NDUFA10: variants seen among roughly 807,000 people sequenced by gnomAD.
NDUFA10 encodes NADH dehydrogenase [ubiquinone] 1 alpha subcomplex subunit 10, mitochondrial.
In NDUFA10, 40 loss-of-function variants were observed where a neutral mutation model predicts 47.8. The observed-to-expected ratio is 0.84, with a 90% CI of 0.65 to 1.09. The LOEUF is 1.09. NDUFA10 is among the 50% of genes least tolerant of loss of function. NDUFA10 has a pLI of 0.00. For missense variants in NDUFA10, 413 were observed against 451.1 expected, an observed-to-expected ratio of 0.92 and a Z score of 0.76; for synonymous variants, 183 against 172.2, an observed-to-expected ratio of 1.06 and a Z score of -0.49.
chr2:239,975,458 T>A (rs1695481373), intron 9 of NDUFA10, among the ~76,000 whole-genome samples: 1 of 152,260 alleles, frequency 6.6e-6, no homozygotes, highest in African/African-American at 2.4e-5. Context: ...GGAAGCAGCA[T>A]GGCCGCCCGG....
In NDUFA10 at chr2:240,021,219, G is replaced by T; in HGVS notation, c.438C>A (p.Ala146=). The part of the protein sequence containing the change: ...YSSRLLQYSD[A]LEHLLTTGQG... The stretch of plus-strand genomic sequence containing the variant: ...CACCTGTGGTCAGCAAGTGCTCCAA[G>T]GCATCTGAGTACTGCAGCAGGCGAC... Residue 146 remains alanine (A), a synonymous_variant, in exon 3 of 10, where the codon GCC becomes GCA. Coordinates refer to ENST00000252711, the MANE Select transcript of NDUFA10 (RefSeq NM_004544.4). 6.2e-7 allele frequency: 1 copy of T among 1,614,138 alleles called. No homozygotes were observed. Among genetic ancestry groups the T allele is most frequent in the African/African-American group, 1.3e-5 (1 of 75,052 alleles).
intron 4 of NDUFA10, among the ~76,000 whole-genome samples, chr2:239,947,367 G>A (rs895214740): frequency 6.6e-6 from 1 of 152,218 alleles, no homozygotes; most frequent in Non-Finnish European, 1.5e-5. Flanking sequence ...AGAGGAAAAT[G>A]GCTCAGTGAC....
intron 9 of NDUFA10, among the ~76,000 whole-genome samples, chr2:239,980,584 A>T (rs1297772437): frequency 6.6e-6 from 1 of 152,236 alleles, no homozygotes; most frequent in African/African-American, 2.4e-5. Context: ...ACCAGCACCA[A>T]AACAGGGTTT....
chr2:240,019,490 G>T (rs970787699), intron 3 of NDUFA10, among the ~76,000 whole-genome samples: 2 of 152,274 alleles, frequency 1.3e-5, no homozygotes, highest in South Asian at 4.1e-4. Flanking sequence ...TTTAAGAAAT[G>T]AGTAGTCAGA....
At chr2:240,000,902 T>C (rs1224942080) in intron 8 of NDUFA10, among the ~76,000 whole-genome samples, 3 of 152,238 alleles carry the variant, frequency 2.0e-5, no homozygotes, top group Non-Finnish European at 4.4e-5. Flanking sequence ...ACACACACTA[T>C]GATGTTTTCA....
chr2:239,926,626 A>G (rs961492602), intron 4 of NDUFA10, among the ~76,000 whole-genome samples: 3 of 149,626 alleles, frequency 2.0e-5, no homozygotes, highest in Non-Finnish European at 4.5e-5. Context: ...AAAAAAAAAT[A>G]GATACCTGTA....
chr2:239,915,407 C>CAA (rs1693845049), intron 4 of NDUFA10, among the ~76,000 whole-genome samples: 2 of 51,616 alleles, frequency 3.9e-5, no homozygotes, highest in East Asian at 4.4e-4. Flanking sequence ...ACACACAGAA[C>CAA]ACACACATAC....
chr2:240,020,052 C>A (rs1239969942), intron 3 of NDUFA10, among the ~76,000 whole-genome samples: 1 of 152,204 alleles, frequency 6.6e-6, no homozygotes, highest in Non-Finnish European at 1.5e-5. Flanking sequence ...CAAAGCAAGA[C>A]AATAACTCCA....
At chr2:239,910,308 A>G (rs536843785) in intron 4 of NDUFA10, among the ~76,000 whole-genome samples, 2 of 152,356 alleles carry the variant, frequency 1.3e-5, no homozygotes, top group South Asian at 4.1e-4. Flanking sequence ...AAAACATGGA[A>G]TCAACCTAAA....
chr2:240,018,511 T>C, intron 4 of NDUFA10, 42 bp downstream of exon 4: 1 of 1,614,176 alleles, frequency 6.2e-7, no homozygotes, highest in Non-Finnish European at 8.5e-7. Flanking sequence ...CCTTGCAAAG[T>C]CGCACCACAC....
At chr2:239,936,836 T>C (rs1456174516) in intron 4 of NDUFA10, among the ~76,000 whole-genome samples, 3 of 152,154 alleles carry the variant, frequency 2.0e-5, no homozygotes, top group Non-Finnish European at 4.4e-5. Flanking sequence ...GGTGCATGCC[T>C]GTAATCTCAG....
chr2:240,019,300 G>A (rs928050926), intron 3 of NDUFA10, among the ~76,000 whole-genome samples: 40 of 152,188 alleles, frequency 2.6e-4, no homozygotes, highest in African/African-American at 7.7e-4. Context: ...TCCCAGAATG[G>A]GTCTGGCACA....
chr2:239,959,069 T>C lies in NDUFA10; in HGVS notation c.*2049A>G. On this transcript the variant is annotated 3_prime_UTR_variant, in exon 10 of 10. Coordinates refer to ENST00000252711, the MANE Select transcript of NDUFA10 (RefSeq NM_004544.4). ...GGAGAGAAGAATTGGACAGTGTTTA[T>C]TCATCTTTCTCTGCTGAACATGCAT... The C allele has an allele frequency of 4.1e-6, 4 of 985,492 alleles. No individual in the cohort carries two copies. The highest frequency in any genetic ancestry group is 1.7e-5 in the African/African-American group (1 of 57,376). The allele number at this position is 985,492 out of a possible 1,614,324, so 61.0% of individuals were successfully genotyped here.
intron 4 of NDUFA10, among the ~76,000 whole-genome samples, chr2:239,925,647 A>T (rs1694053005): frequency 6.6e-6 from 1 of 152,232 alleles, no homozygotes; most frequent in African/African-American, 2.4e-5. Context: ...TGACTCGTAA[A>T]GTATTATCAA....
chr2:240,000,231 G>A (rs905078995), intron 8 of NDUFA10, among the ~76,000 whole-genome samples: 15 of 152,126 alleles, frequency 9.9e-5, no homozygotes, highest in African/African-American at 2.4e-4. Flanking sequence ...TCCTTCAGGC[G>A]GCATCCAGAA....
intron 4 of NDUFA10, 156 bp downstream of exon 4, chr2:240,018,397 A>G: frequency 6.5e-7 from 1 of 1,545,352 alleles, no homozygotes. Flanking sequence ...GAAGATACTT[A>G]GGAAGTTCCT....
chr2:240,018,281 G>C (rs1302073982), intron 4 of NDUFA10: 8 of 859,404 alleles, frequency 9.3e-6, no homozygotes, highest in African/African-American at 3.4e-5. Context: ...GAGGCTGTGG[G>C]GGCTGCACTT....
chr2:240,015,063 C>T (rs1697292216), intron 4 of NDUFA10, among the ~76,000 whole-genome samples: 1 of 152,376 alleles, frequency 6.6e-6, no homozygotes, highest in African/African-American at 2.4e-5. Context: ...GGGGCATGTG[C>T]AGACAGCAGC....
intron 9 of NDUFA10, among the ~76,000 whole-genome samples, chr2:239,967,759 C>CTGAGTTTGTG (rs1277928169): frequency 1.3e-5 from 2 of 152,156 alleles, no homozygotes; most frequent in African/African-American, 2.4e-5. Context: ...AGTGACGCCA[C>CTGAGTTTGTG]TGAGTTTGTG....
Sources: gnomAD v4.1 joint callset for allele counts (sites outside exome capture counted in the v4.1 genomes callset) on GRCh38, gnomAD v4.1.1 for gene constraint, MANE v1.5 for transcripts, NCBI Gene and HGNC (gene_info 2026-07-23, HGNC 2026-07-21) for gene names.